VCL: variants seen among roughly 807,000 people sequenced by gnomAD.
VCL encodes epididymis luminal protein 114.
A neutral mutation model predicts 125.7 loss-of-function variants in VCL; 47 were observed. The ratio of observed to expected loss-of-function variants is 0.37; its 90% CI spans 0.30 to 0.48. The LOEUF (loss-of-function observed/expected upper bound fraction) is 0.48. Ranked by LOEUF, VCL falls within the 20% of genes least tolerant of loss-of-function variation. The pLI is 0.99. For missense variants in VCL, 1,069 were observed against 1,455.5 expected (o/e 0.73, Z 4.32); for synonymous variants, 458 against 514.6 (o/e 0.89, Z 1.49).
chr10:74,052,004 C>A (rs991969167), intron 2 of VCL, among the ~76,000 whole-genome samples: 1 of 152,148 alleles, frequency 6.6e-6, no homozygotes, highest in African/African-American at 2.4e-5. Context: ...CATATTTATA[C>A]CCACTTTTAA....
chr10:74,062,572 A>G (rs1841498660), intron 2 of VCL, among the ~76,000 whole-genome samples: 1 of 151,958 alleles, frequency 6.6e-6, no homozygotes, highest in Admixed American at 6.6e-5. Context: ...TGATTCTGTC[A>G]TCTTTGTCAT....
At chr10:74,096,655 A>C (rs1352647554) in intron 12 of VCL, among the ~76,000 whole-genome samples, 1 of 152,248 alleles carries the variant, frequency 6.6e-6, no homozygotes, top group Non-Finnish European at 1.5e-5. Context: ...ACTCTTATTT[A>C]GACCCATGTT....
In VCL at chr10:74,095,922, A is replaced by T. The variant is rs968372588; in HGVS notation, c.1743+67A>T. 11 of 1,570,322 alleles carry T rather than the reference A, an allele frequency of 7.0e-6. No individual in the cohort carries two copies. The African/African-American group carries it at 1.3e-4, about 19-fold the overall frequency. ...CTATTATTGAAAGACGAGGGAAGGA[A>T]GAGAGAGTTTTGAAAAATACATAAT... On this transcript the variant is annotated intron_variant, in intron 12 of 21. Coordinates refer to ENST00000211998, the MANE Select transcript of VCL (RefSeq NM_014000.3).
chr10:74,027,073 G>T (rs764049974), intron 1 of VCL, among the ~76,000 whole-genome samples: 5 of 152,058 alleles, frequency 3.3e-5, no homozygotes, highest in Non-Finnish European at 5.9e-5. Context: ...GCTATAAGCA[G>T]AAAAGAAAAA....
chr10:74,086,583 C>T (rs1839779217), intron 8 of VCL, among the ~76,000 whole-genome samples: 1 of 152,196 alleles, frequency 6.6e-6, no homozygotes, highest in Non-Finnish European at 1.5e-5. Flanking sequence ...CAACCTTTTC[C>T]CAGTGTGGTA....
intron 1 of VCL, among the ~76,000 whole-genome samples, chr10:74,022,640 CTTT>C: frequency 7.0e-6 from 1 of 142,870 alleles, no homozygotes; most frequent in African/African-American, 2.6e-5. Flanking sequence ...TCCGTAATGT[CTTT>C]TTTTTTTTTT....
chr10:74,091,144 C>A (rs181527010), intron 10 of VCL, among the ~76,000 whole-genome samples: 3 of 152,062 alleles, frequency 2.0e-5, no homozygotes, highest in African/African-American at 7.2e-5. Flanking sequence ...AAGAAAAAAA[C>A]CCCTGCAGCA....
At chr10:74,041,771 C>T (rs1276431252) in intron 1 of VCL, among the ~76,000 whole-genome samples, 1 of 151,288 alleles carries the variant, frequency 6.6e-6, no homozygotes, top group African/African-American at 2.4e-5. Context: ...GGTGTGGTGG[C>T]ACATGCCTGT....
At position 74,039,303 on chromosome 10, in the gene VCL, G is replaced by T. The variant is rs1591666668; in HGVS notation, c.169-3780G>T. Among the ~76,000 whole-genome samples, 6 of 125,784 alleles carry T rather than the reference G, an allele frequency of 4.8e-5. No individual in the cohort carries two copies. In the East Asian group the frequency reaches 1.5e-3, roughly 31 times the overall value. The allele number at this position is 125,784 out of a possible 152,430, so 82.5% of individuals were successfully genotyped here. On this transcript the variant is annotated intron_variant, in intron 1 of 21. Coordinates refer to ENST00000211998, the MANE Select transcript of VCL (RefSeq NM_014000.3). ...AGCAAGTCCTAATAATATTTCTTCC[G>T]TAAAAAGGTAACACAATTCTATTCT... is the stretch of plus-strand genomic sequence containing the variant.
intron 20 of VCL, 25 bp downstream of exon 20, chr10:74,114,412 T>C: frequency 9.6e-7 from 1 of 1,037,760 alleles, no homozygotes; most frequent in Admixed American, 2.8e-5. Flanking sequence ...AGGCTGCGTG[T>C]GTGTGTGTGT....
chr10:74,003,848 T>C (rs2136222016), intron 1 of VCL, among the ~76,000 whole-genome samples: 1 of 152,244 alleles, frequency 6.6e-6, no homozygotes, highest in South Asian at 2.1e-4. Flanking sequence ...GCCTCCTTAG[T>C]AGCTGGGACT....
chr10:74,105,065 G>A lies in VCL; in HGVS notation c.2146G>A (p.Ala716Thr). The A allele has an allele frequency of 6.2e-7, 1 of 1,614,164 alleles. No individual in the cohort carries two copies. Among genetic ancestry groups the A allele is most frequent in the Non-Finnish European group, 8.5e-7 (1 of 1,180,032 alleles). The change falls in exon 16 of 22, where the codon GCC (alanine) becomes ACC (threonine). Residue 716 changes from alanine (A) to threonine (T), a missense_variant. Ala to Thr is a moderately conservative substitution (Grantham distance 58). Coordinates refer to ENST00000211998, the MANE Select transcript of VCL (RefSeq NM_014000.3). Reference sequence around the variant, plus strand: ...TTTCCTAACAGGGCTGGTGGACGAAGCCATTGATACCAAATCTCTGTTGGA... The same window carrying A: ...TTTCCTAACAGGGCTGGTGGACGAAACCATTGATACCAAATCTCTGTTGGA... ...VEKMTGLVDEAIDTKSLLDAS... is the reference protein window; with the variant it reads ...VEKMTGLVDETIDTKSLLDAS...
chr10:74,099,757 G>A (rs1450225424), intron 13 of VCL, among the ~76,000 whole-genome samples: 1 of 152,186 alleles, frequency 6.6e-6, no homozygotes, highest in African/African-American at 2.4e-5. Context: ...TCCAGAGTGT[G>A]GGAGACCAGC....
chr10:74,051,880 A>AAGCAGCAGTGTACAGC, intron 2 of VCL, among the ~76,000 whole-genome samples: 1 of 152,306 alleles, frequency 6.6e-6, no homozygotes, highest in South Asian at 2.1e-4. Context: ...ACTTTTATTG[A>AAGCAGCAGTGTACAGC]AGCAGCAGTG....
chr10:74,099,307 T>C (rs1485470993), intron 13 of VCL, among the ~76,000 whole-genome samples: 1 of 152,168 alleles, frequency 6.6e-6, no homozygotes, highest in Non-Finnish European at 1.5e-5. Context: ...TGCTTGTGGT[T>C]TCCTGCACAG....
Position 74,095,835 on chromosome 10 carries a change from C to A in VCL, c.1723C>A (p.Gln575Lys). ...ESPQARALAS[Q>K]LQDSLKDLKA... The stretch of plus-strand genomic sequence containing the variant: ...TCCTCAGGCACGAGCACTTGCATCT[C>A]AGCTCCAAGACTCCTTAAAGGTAGA... Residue 575 changes from glutamine (Q) to lysine (K), a missense_variant, in exon 12 of 22, where the codon CAG becomes AAG. By Grantham distance (53) the Gln-to-Lys change is moderately conservative (BLOSUM62 1). Transcript: ENST00000211998. 6.2e-7 allele frequency: 1 copy of A among 1,613,972 alleles called. No homozygotes were observed. The highest frequency in any genetic ancestry group is 8.5e-7 in the Non-Finnish European group (1 of 1,180,034).
intron 1 of VCL, among the ~76,000 whole-genome samples, chr10:74,018,375 C>G (rs530129368): frequency 6.6e-6 from 1 of 151,732 alleles, no homozygotes; most frequent in Non-Finnish European, 1.5e-5. Context: ...AAGCTTCTGA[C>G]GGACTTGGGC....
Position 74,114,301 on chromosome 10 carries a change from GC to G in VCL, c.3069del (p.Lys1024ArgfsTer6). Reference sequence around the variant, plus strand: ...ACTCATTCAGTGTGCCAAGGACATCGCCAAGGCCTCAGATGAGGTGACTCGG... The same window carrying G: ...ACTCATTCAGTGTGCCAAGGACATCGCAAGGCCTCAGATGAGGTGACTCGG... Reference protein sequence around the residue: ...RALIQCAKDIAKASDEVTRLA... With the variant: ...RALIQCAKDIXKASDEVTRLA... On this transcript the variant is annotated frameshift_variant, in exon 20 of 22. Coordinates refer to ENST00000211998, the MANE Select transcript of VCL (RefSeq NM_014000.3). LOFTEE classifies it high-confidence loss of function. 6.2e-7 allele frequency: 1 copy of G among 1,614,060 alleles called. No homozygotes were observed. Among genetic ancestry groups the G allele is most frequent in the East Asian group, 2.2e-5 (1 of 44,876 alleles).
At chr10:74,044,238 A>T (rs1841153789) in intron 2 of VCL, among the ~76,000 whole-genome samples, 1 of 152,194 alleles carries the variant, frequency 6.6e-6, no homozygotes, top group Non-Finnish European at 1.5e-5. Context: ...ACAAGCAGAC[A>T]TACTAATTTT....
Sources: allele counts gnomAD v4.1 joint callset (sites outside exome capture counted in the v4.1 genomes callset), GRCh38; gene constraint gnomAD v4.1.1; transcripts MANE v1.5; gene names NCBI Gene and HGNC (gene_info 2026-07-23, HGNC 2026-07-21).